Variants in PTPN21 observed in about 807,000 individuals in gnomAD.
PTPN21 encodes the protein tyrosine-protein phosphatase non-receptor type 21.
Under a neutral mutation model 131.8 loss-of-function variants are expected in PTPN21, and 77 were observed. That is an observed-to-expected ratio of 0.58 (90% CI 0.49 to 0.71). The LOEUF (loss-of-function observed/expected upper bound fraction) is 0.71, where lower values mean the gene tolerates loss of function less well. Ranked by LOEUF, PTPN21 falls within the 30% of genes least tolerant of loss-of-function variation. PTPN21 has a pLI of 0.00. For missense variants in PTPN21, 1,552 were observed against 1,527.1 expected (o/e 1.02, Z -0.27); for synonymous variants, 715 against 621.3 (o/e 1.15, Z -2.24).
chr14:88,521,671 A>G (rs1378687040), intron 2 of PTPN21, among the ~76,000 whole-genome samples: 3 of 150,350 alleles, frequency 2.0e-5, no homozygotes, highest in African/African-American at 7.3e-5. Flanking sequence ...TCGGCCTCCC[A>G]AAGTGCTGAG....
chr14:88,530,677 TAAA>T (rs915744439), intron 2 of PTPN21, among the ~76,000 whole-genome samples: 2 of 151,926 alleles, frequency 1.3e-5, no homozygotes, highest in Non-Finnish European at 2.9e-5. Context: ...CAACGACACT[TAAA>T]AAAGACAAAG....
rs74074936 is a variant in PTPN21 at position 88,522,670 on chromosome 14, T to G, written c.181-5409A>C. 1.5e-3 allele frequency among the ~76,000 whole-genome samples: 226 copies of G among 152,232 alleles called. 1 individual carries two copies. The highest frequency in any genetic ancestry group is 5.1e-3 in the African/African-American group (210 of 41,552). ...AGTGAAAGCTAGCCAAAAATCAAAT[T>G]TATATCTTGTTAAATACCTCCAAGG... On this transcript the variant is annotated intron_variant, in intron 2 of 18. Transcript: ENST00000556564.
At position 88,479,069 on chromosome 14, in the gene PTPN21, T is replaced by C. The variant is rs1246466263; in HGVS notation, c.2362A>G (p.Arg788Gly). 3.1e-6 allele frequency: 5 copies of C among 1,601,822 alleles called. No homozygotes were observed. In the African/African-American group the frequency reaches 6.7e-5, roughly 22 times the overall value. Residue 788 changes from arginine (R) to glycine (G), a missense_variant, in exon 13 of 19, where the codon AGA becomes GGA. Arg to Gly is a moderately radical substitution (Grantham distance 125). Around this residue, in one of 4 missense-constraint regions of PTPN21, gnomAD observed 1,016 missense variants for 883.5 expected, o/e 1.15. Transcript: ENST00000556564. ...ATGGAGGGCATCAGCAGCCCGTCTC[T>C]CCAGGGCCGCTGGGCCTCTGCGGTC... ...RTTAEAQRPW[R>G]DGLLMPSMSE...
chr14:88,541,464 A>G (rs1473522974), intron 2 of PTPN21, among the ~76,000 whole-genome samples: 1 of 152,258 alleles, frequency 6.6e-6, no homozygotes, highest in African/African-American at 2.4e-5. Flanking sequence ...AATGATACAG[A>G]GGGCTCAACA....
At chr14:88,488,400 G>A (rs56745795) in intron 10 of PTPN21, among the ~76,000 whole-genome samples, 5,621 of 148,576 alleles carry the variant, frequency 0.038, 352 homozygotes, top group African/African-American at 0.14. Context: ...ACAAAAGCGT[G>A]TACCTGCCAA....
intron 1 of PTPN21, among the ~76,000 whole-genome samples, 185 bp from the exon 2 acceptor site, chr14:88,550,804 T>A (rs907287587): frequency 6.6e-6 from 1 of 152,170 alleles, no homozygotes; most frequent in Non-Finnish European, 1.5e-5. Flanking sequence ...AGGGTCAGAC[T>A]CCACCCTTCA....
intron 6 of PTPN21, among the ~76,000 whole-genome samples, chr14:88,501,694 C>T (rs955261126): frequency 6.6e-6 from 1 of 152,076 alleles, no homozygotes; most frequent in Non-Finnish European, 1.5e-5. Context: ...TCCCAAATAT[C>T]AGGGCTGGGC....
chr14:88,498,690 G>C (rs1370393790), intron 8 of PTPN21, among the ~76,000 whole-genome samples: 1 of 152,170 alleles, frequency 6.6e-6, no homozygotes, highest in Non-Finnish European at 1.5e-5. Flanking sequence ...AAAAGTGGGG[G>C]AGGTGTGCTC....
chr14:88,513,129 T>C (rs1183963609), intron 3 of PTPN21, among the ~76,000 whole-genome samples: 2 of 152,148 alleles, frequency 1.3e-5, no homozygotes, highest in Admixed American at 1.3e-4. Context: ...TTTTAAGATA[T>C]ATTTGGTATG....
At chr14:88,504,965 T>C (rs1454473451) in intron 5 of PTPN21, among the ~76,000 whole-genome samples, 1 of 152,226 alleles carries the variant, frequency 6.6e-6, no homozygotes, top group Admixed American at 6.5e-5. Context: ...TTCCTCAATA[T>C]AATTTTGTAA....
intron 2 of PTPN21, among the ~76,000 whole-genome samples, chr14:88,537,467 A>G (rs1430772367): frequency 6.6e-6 from 1 of 152,206 alleles, no homozygotes; most frequent in Non-Finnish European, 1.5e-5. Context: ...TCATCTATTC[A>G]TTCAATGAAT....
rs374058941 is a variant in PTPN21 at position 88,466,159 on chromosome 14, G to A, written c.*1978C>T. 3 of 151,984 alleles carry A rather than the reference G, an allele frequency of 2.0e-5. No homozygotes were observed. The highest frequency in any genetic ancestry group is 4.4e-5 in the Non-Finnish European group (3 of 68,000). The allele number at this position is 151,984 out of a possible 1,614,324, so 9.4% of individuals were successfully genotyped here. A position where few individuals can be genotyped will look rare whatever the true frequency, so the allele number is the denominator to read the frequency against. On this transcript the variant is annotated 3_prime_UTR_variant, in exon 19 of 19. Coordinates refer to ENST00000556564, the MANE Select transcript of PTPN21 (RefSeq NM_007039.4). ...CTTATTCCTTTCTTCTAAGGAGCTCGTTCTGAATATTTTCACTTAGTTCTA... is the reference window on the plus strand; with the variant it reads ...CTTATTCCTTTCTTCTAAGGAGCTCATTCTGAATATTTTCACTTAGTTCTA...
chr14:88,501,055 T>A lies in PTPN21; in HGVS notation c.676-184A>T, dbSNP rs1244813276. On this transcript the variant is annotated intron_variant, in intron 7 of 18. Coordinates refer to ENST00000556564, the MANE Select transcript of PTPN21 (RefSeq NM_007039.4). ...AGGTAAGTATAAAAATTGAAAAAGT[T>A]TGGCCCTCCTTAGGAACTCTATTTC... 6.3e-6 allele frequency: 4 copies of A among 636,276 alleles called. No homozygotes were observed. In the Admixed American group the frequency reaches 1.2e-4, roughly 19 times the overall value. 39.4% of individuals were successfully genotyped at this position (636,276 alleles called of 1,614,324 possible).
chr14:88,497,351 G>T, intron 8 of PTPN21, 61 bp from the exon 9 acceptor site: 1 of 1,311,666 alleles, frequency 7.6e-7, no homozygotes, highest in Non-Finnish European at 1.1e-6. Flanking sequence ...CAAGGAGATA[G>T]AATACACAAG....
In PTPN21 at chr14:88,469,510, T is replaced by C. The variant is rs761899653; in HGVS notation, c.3224A>G (p.Lys1075Arg). 3.7e-6 allele frequency: 6 copies of C among 1,613,016 alleles called. No homozygotes were observed. Among genetic ancestry groups the C allele is most frequent in the Non-Finnish European group, 4.2e-6 (5 of 1,179,096 alleles). The change falls in exon 17 of 19, where the codon AAG (lysine) becomes AGG (arginine). Residue 1075 changes from lysine to arginine, a missense_variant. Lys to Arg is a conservative substitution (Grantham distance 26, BLOSUM62 2). Transcript: ENST00000556564. This position sits in a 1 kb window ranked among gnomAD's most constrained non-coding sequence, Gnocchi z 4.3. ...TTAAAGTCACTCACATAAAAATCCCTTGAGGTCTTCTGGACAGCCATGTTC... is the reference window on the plus strand; with the variant it reads ...TTAAAGTCACTCACATAAAAATCCCCTGAGGTCTTCTGGACAGCCATGTTC... ...WPEHGCPEDL[K>R]GFLSYLEEIQ...
At chr14:88,543,492 T>G (rs888519784) in intron 2 of PTPN21, among the ~76,000 whole-genome samples, 1 of 152,244 alleles carries the variant, frequency 6.6e-6, no homozygotes, top group African/African-American at 2.4e-5. Flanking sequence ...AAGGCTGACT[T>G]AATTGTACTG....
At position 88,545,737 on chromosome 14, in the gene PTPN21, C is replaced by T. The variant is rs1162435228; in HGVS notation, c.180+4501G>A. Among the ~76,000 whole-genome samples, 8 of 152,184 alleles carry T rather than the reference C, an allele frequency of 5.3e-5. No homozygotes were observed. In the East Asian group the frequency reaches 9.7e-4, roughly 18 times the overall value. ...CAGCACTTTGGGAGACCGAGGCAGA[C>T]GGATCATGAGGTCAGGAGATCGAGA... On this transcript the variant is annotated intron_variant, in intron 2 of 18. Coordinates refer to ENST00000556564, the MANE Select transcript of PTPN21 (RefSeq NM_007039.4).
intron 2 of PTPN21, among the ~76,000 whole-genome samples, chr14:88,521,049 G>T (rs941114176): frequency 2.6e-5 from 4 of 151,914 alleles, no homozygotes; most frequent in African/African-American, 9.7e-5. Flanking sequence ...GTCTCACTAT[G>T]TTGCCCAGGC....
intron 6 of PTPN21, among the ~76,000 whole-genome samples, chr14:88,502,161 AG>A (rs2078018895): frequency 4.6e-5 from 7 of 152,258 alleles, no homozygotes; most frequent in Admixed American, 2.6e-4. Flanking sequence ...AAGTGCATGC[AG>A]ACTTGCATCT....
Sources: gnomAD v4.1 joint callset for allele counts (sites outside exome capture counted in the v4.1 genomes callset) on GRCh38, gnomAD v4.1.1 for gene constraint, gnomAD v4.1.1 regional missense constraint, Gnocchi (gnomAD v3.1) non-coding constraint, MANE v1.5 for transcripts, NCBI Gene and HGNC (gene_info 2026-07-23, HGNC 2026-07-21) for gene names.